The following JAKMIP2 variants were observed in gnomAD, a reference collection of about 807,000 sequenced individuals.
JAKMIP2 encodes the protein janus kinase and microtubule interacting protein 2.
A neutral mutation model predicts 115.0 loss-of-function variants in JAKMIP2; 25 were observed. The ratio of observed to expected loss-of-function variants is 0.22; its 90% CI spans 0.16 to 0.30. JAKMIP2 has a LOEUF of 0.30. JAKMIP2 is among the 10% of genes least tolerant of loss of function. The pLI is 1.00. For missense variants in JAKMIP2, 642 were observed against 957.6 expected (o/e 0.67, Z 4.35); for synonymous variants, 334 against 343.6 (o/e 0.97, Z 0.31).
intron 10 of JAKMIP2, among the ~76,000 whole-genome samples, chr5:147,638,001 T>C (rs2035277343): frequency 6.6e-6 from 1 of 152,196 alleles, no homozygotes; most frequent in Non-Finnish European, 1.5e-5. Context: ...GTGAGGAGAA[T>C]AATTCTTTTG....
intron 1 of JAKMIP2, among the ~76,000 whole-genome samples, chr5:147,720,231 T>C (rs1309024262): frequency 2.6e-5 from 4 of 152,220 alleles, no homozygotes; most frequent in Admixed American, 2.0e-4. Flanking sequence ...GTTAGTCTGA[T>C]GGGCTTCCCT....
intron 21 of JAKMIP2, among the ~76,000 whole-genome samples, chr5:147,596,665 A>G (rs1408471177): frequency 6.6e-6 from 1 of 152,174 alleles, no homozygotes; most frequent in Non-Finnish European, 1.5e-5. Flanking sequence ...TATAGACACT[A>G]AAGATACAAA....
intron 1 of JAKMIP2, among the ~76,000 whole-genome samples, chr5:147,721,631 CCTTT>C (rs1333614907): frequency 1.3e-5 from 2 of 152,154 alleles, no homozygotes; most frequent in Non-Finnish European, 2.9e-5. Flanking sequence ...GTCAGTCACC[CCTTT>C]CTTTGACTCG....
At chr5:147,636,449 G>C in intron 11 of JAKMIP2, 165 bp from the exon 12 acceptor site, 1 of 600,814 alleles carries the variant, frequency 1.7e-6, no homozygotes, top group Non-Finnish European at 3.0e-6. Context: ...AGAAATTGGG[G>C]CCAAAGTTGC....
intron 1 of JAKMIP2, among the ~76,000 whole-genome samples, chr5:147,723,755 T>C (rs917580466): frequency 6.6e-6 from 1 of 152,166 alleles, no homozygotes; most frequent in Non-Finnish European, 1.5e-5. Context: ...GAAAGCCACA[T>C]GGCTTAAAAA....
chr5:147,722,953 C>T (rs1753373210), intron 1 of JAKMIP2, among the ~76,000 whole-genome samples: 1 of 152,004 alleles, frequency 6.6e-6, no homozygotes, highest in Non-Finnish European at 1.5e-5. Flanking sequence ...AGTTACACAA[C>T]ATCAGCAAAG....
chr5:147,734,148 GA>G (rs1271344909), intron 1 of JAKMIP2, among the ~76,000 whole-genome samples: 2 of 151,818 alleles, frequency 1.3e-5, no homozygotes, highest in African/African-American at 4.8e-5. Context: ...ATAAACATAT[GA>G]AAAAAAGCTC....
intron 1 of JAKMIP2, among the ~76,000 whole-genome samples, chr5:147,674,966 G>T (rs1397658505): frequency 1.3e-5 from 2 of 152,170 alleles, no homozygotes; most frequent in African/African-American, 2.4e-5. Flanking sequence ...TAAAAAGAAA[G>T]TGGCAACTTT....
chr5:147,614,490 C>A (rs1229556200), intron 19 of JAKMIP2, among the ~76,000 whole-genome samples: 1 of 152,190 alleles, frequency 6.6e-6, no homozygotes, highest in African/African-American at 2.4e-5. Flanking sequence ...CTACCTACTT[C>A]TTTTTATCTC....
At chr5:147,671,245 T>C (rs1210676069) in intron 2 of JAKMIP2, among the ~76,000 whole-genome samples, 1 of 152,140 alleles carries the variant, frequency 6.6e-6, no homozygotes, top group Admixed American at 6.5e-5. Flanking sequence ...CTAAGAGAGA[T>C]AGGAAGCCCT....
chr5:147,639,599 T>C, intron 10 of JAKMIP2, 33 bp downstream of exon 10: 1 of 1,591,570 alleles, frequency 6.3e-7, no homozygotes, highest in Non-Finnish European at 8.5e-7. Flanking sequence ...TGCTGCACGC[T>C]AATTCAGAGC....
chr5:147,624,478 G>A (rs1757006280), intron 16 of JAKMIP2, among the ~76,000 whole-genome samples: 1 of 152,158 alleles, frequency 6.6e-6, no homozygotes, highest in Non-Finnish European at 1.5e-5. Flanking sequence ...GGAGAATTGG[G>A]ACAACGGTAA....
At chr5:147,743,754 G>T (rs1050580828) in intron 1 of JAKMIP2, among the ~76,000 whole-genome samples, 2 of 152,084 alleles carry the variant, frequency 1.3e-5, no homozygotes, top group African/African-American at 4.8e-5. Context: ...TGGTTTCCTT[G>T]TGAATTCTCC....
intron 19 of JAKMIP2, among the ~76,000 whole-genome samples, chr5:147,612,757 T>A (rs1756394766): frequency 6.6e-6 from 1 of 152,182 alleles, no homozygotes; most frequent in South Asian, 2.1e-4. Context: ...GTAGAGGGTG[T>A]AGTATATCTC....
chr5:147,702,595 AGAAAGAAG>A (rs1159089277), intron 1 of JAKMIP2, among the ~76,000 whole-genome samples: 266 of 114,090 alleles, frequency 2.3e-3, no homozygotes, highest in Non-Finnish European at 3.5e-3. Context: ...AAAGAAAGAA[AGAAAGAAG>A]GAAAGAAAGA....
In JAKMIP2 at chr5:147,686,197, G is replaced by C. The variant is rs186404786; in HGVS notation, c.-148-14243C>G. On this transcript the variant is annotated intron_variant, in intron 1 of 21. Transcript: ENST00000616793. ...AGCGAGTCACAGCACAATTGTCCAC[G>C]CTGCAAAACCTGACTTAATTGGAAT... is the stretch of plus-strand genomic sequence containing the variant. Among the ~76,000 whole-genome samples, 6 of 152,258 alleles carry C rather than the reference G, an allele frequency of 3.9e-5. No individual in the cohort carries two copies. The East Asian group carries it at 1.2e-3, about 29-fold the overall frequency.
At chr5:147,741,667 A>G (rs1486028217) in intron 1 of JAKMIP2, among the ~76,000 whole-genome samples, 1 of 152,184 alleles carries the variant, frequency 6.6e-6, no homozygotes, top group Non-Finnish European at 1.5e-5. Context: ...GGTTTTAACT[A>G]AGGGAAAAAT....
intron 20 of JAKMIP2, chr5:147,611,993 C>T (rs756100841): frequency 2.2e-6 from 1 of 453,208 alleles, no homozygotes; most frequent in Non-Finnish European, 4.1e-6. Flanking sequence ...AAAAAAAGAG[C>T]AAAGTAGGGT....
chr5:147,729,765 C>T (rs1472446538), intron 1 of JAKMIP2, among the ~76,000 whole-genome samples: 2 of 144,424 alleles, frequency 1.4e-5, no homozygotes, highest in Non-Finnish European at 3.0e-5. Flanking sequence ...CAGAATGAGA[C>T]TCTGTCTCAA....
Sources: allele counts gnomAD v4.1 joint callset (sites outside exome capture counted in the v4.1 genomes callset), GRCh38; gene constraint gnomAD v4.1.1; transcripts MANE v1.5; gene names NCBI Gene and HGNC (gene_info 2026-07-23, HGNC 2026-07-21).